Variants in ELP4 observed in about 807,000 individuals in gnomAD.
The protein encoded by ELP4 is elongator complex protein 4.
ELP4 carries 51 observed loss-of-function variants against 48.9 expected under a neutral mutation model. The ratio of observed to expected loss-of-function variants is 1.04; its 90% CI spans 0.83 to 1.32. ELP4 has a LOEUF of 1.32. Ranked by LOEUF, ELP4 falls within the 40% of genes most tolerant of loss-of-function variation. The pLI is 0.00. For missense variants in ELP4, 519 were observed against 514.6 expected (o/e 1.01, Z -0.08); for synonymous variants, 210 against 189.2 (o/e 1.11, Z -0.90).
rs1344109981 is a variant in ELP4, at chr11:31,603,913, T to C, written c.653+6T>C. 6.2e-7 allele frequency: 1 copy of C among 1,604,226 alleles called. No individual in the cohort carries two copies. The highest frequency in any genetic ancestry group is 1.7e-5 in the Admixed American group (1 of 58,534). ...ACTCTCAAAGTAGAACCCTGGTAAG[T>C]TAATGACCCATTTAATAACAAAATC... On this transcript the variant is annotated splice_donor_region_variant and intron_variant, in intron 5 of 9. Transcript: ENST00000640961.
chr11:31,776,345 A>C (rs1948247804), intron 9 of ELP4, among the ~76,000 whole-genome samples: 1 of 152,078 alleles, frequency 6.6e-6, no homozygotes, highest in Non-Finnish European at 1.5e-5. Flanking sequence ...CTCTTTAAGG[A>C]GCTCACCCTA....
At chr11:31,773,260 A>G (rs1187692469) in intron 9 of ELP4, among the ~76,000 whole-genome samples, 1 of 152,240 alleles carries the variant, frequency 6.6e-6, no homozygotes, top group African/African-American at 2.4e-5. Context: ...TGTCTTACAT[A>G]GTTCTAGGAT....
chr11:31,558,202 G>C (rs1045139190), intron 3 of ELP4, among the ~76,000 whole-genome samples: 5 of 151,192 alleles, frequency 3.3e-5, no homozygotes, highest in Non-Finnish European at 7.4e-5. Flanking sequence ...TTCTCCCTTG[G>C]CAGTCACAGT....
chr11:31,672,204 G>C (rs1945824594), intron 9 of ELP4, among the ~76,000 whole-genome samples: 1 of 152,144 alleles, frequency 6.6e-6, no homozygotes, highest in South Asian at 2.1e-4. Context: ...AGTGATTTAT[G>C]ACAATGGAGC....
rs1948894723 is a variant in ELP4 at position 31,788,727 on chromosome 11, T to C, written c.*5203T>C. The C allele has an allele frequency of 5.5e-6, 1 of 181,184 alleles. No individual in the cohort carries two copies. Among genetic ancestry groups the C allele is most frequent in the Non-Finnish European group, 1.1e-5 (1 of 90,292 alleles). The allele number at this position is 181,184 out of a possible 1,614,324, so 11.2% of individuals were successfully genotyped here. A position where few individuals can be genotyped will look rare whatever the true frequency, so the allele number is the denominator to read the frequency against. On this transcript the variant is annotated 3_prime_UTR_variant, in exon 10 of 10. Transcript: ENST00000640961. ...CCATTTTGTATATATGTTGTGGGTATAAATGGGCACAGATCTACACCCTGC... is the reference window on the plus strand; with the variant it reads ...CCATTTTGTATATATGTTGTGGGTACAAATGGGCACAGATCTACACCCTGC...
At chr11:31,585,306 A>G (rs1957454550) in intron 3 of ELP4, among the ~76,000 whole-genome samples, 2 of 152,182 alleles carry the variant, frequency 1.3e-5, no homozygotes, top group South Asian at 4.1e-4. Flanking sequence ...AGATTTGGAG[A>G]TAAAATCCAA....
At chr11:31,568,718 T>C (rs1328967056) in intron 3 of ELP4, among the ~76,000 whole-genome samples, 1 of 152,174 alleles carries the variant, frequency 6.6e-6, no homozygotes, top group Non-Finnish European at 1.5e-5. Context: ...GAAAACTGGC[T>C]ATCCACGTGA....
chr11:31,583,081 G>A (rs1261288321), intron 3 of ELP4, among the ~76,000 whole-genome samples: 1 of 152,100 alleles, frequency 6.6e-6, no homozygotes, highest in Non-Finnish European at 1.5e-5. Flanking sequence ...GTAGGGGTGG[G>A]TAGAATCCTG....
chr11:31,612,858 A>G (rs1358217006), intron 5 of ELP4, among the ~76,000 whole-genome samples: 2 of 152,202 alleles, frequency 1.3e-5, no homozygotes, highest in African/African-American at 4.8e-5. Flanking sequence ...TAAAAGAAGC[A>G]TGGATTTGTT....
chr11:31,544,783 C>T (rs1402568610), intron 3 of ELP4, among the ~76,000 whole-genome samples: 4 of 152,122 alleles, frequency 2.6e-5, no homozygotes, highest in African/African-American at 9.7e-5. Context: ...CTCACACGGC[C>T]GGGTACTCCT....
chr11:31,685,737 T>C (rs1946146672), intron 9 of ELP4, among the ~76,000 whole-genome samples: 1 of 152,102 alleles, frequency 6.6e-6, no homozygotes, highest in South Asian at 2.1e-4. Context: ...CGAGATCATC[T>C]TGGCTAATAT....
At chr11:31,685,316 A>G (rs1946138295) in intron 9 of ELP4, among the ~76,000 whole-genome samples, 1 of 152,096 alleles carries the variant, frequency 6.6e-6, no homozygotes, top group Non-Finnish European at 1.5e-5. Flanking sequence ...GCGCCATTGC[A>G]CTCCAGCCTG....
intron 3 of ELP4, among the ~76,000 whole-genome samples, chr11:31,557,045 T>C (rs2133936455): frequency 6.6e-6 from 1 of 151,998 alleles, no homozygotes; most frequent in East Asian, 1.9e-4. Flanking sequence ...AAACCAGAAG[T>C]CTGAGAATAA....
intron 3 of ELP4, among the ~76,000 whole-genome samples, chr11:31,561,795 A>G (rs1019330227): frequency 6.6e-6 from 1 of 152,210 alleles, no homozygotes; most frequent in Admixed American, 6.5e-5. Flanking sequence ...ATTATTATGT[A>G]TAAACTTAAT....
intron 9 of ELP4, among the ~76,000 whole-genome samples, chr11:31,704,840 G>A (rs905844534): frequency 6.6e-5 from 10 of 151,410 alleles, no homozygotes; most frequent in Non-Finnish European, 1.2e-4. Flanking sequence ...GTGGAACCCC[G>A]TCTCTACTAA....
chr11:31,740,012 A>T (rs900925508), intron 9 of ELP4, among the ~76,000 whole-genome samples: 1 of 152,260 alleles, frequency 6.6e-6, no homozygotes, highest in African/African-American at 2.4e-5. Flanking sequence ...GAAGCTTTAA[A>T]TCAGCAAACA....
intron 3 of ELP4, among the ~76,000 whole-genome samples, chr11:31,540,895 G>A (rs1956580546): frequency 6.6e-6 from 1 of 152,136 alleles, no homozygotes; most frequent in African/African-American, 2.4e-5. Context: ...TCTCTTCTAT[G>A]ATAAAATATG....
At position 31,789,474 on chromosome 11, in the gene ELP4, G is replaced by A. The variant is rs2134360138; in HGVS notation, c.*5950G>A. The A allele has an allele frequency of 4.0e-6, 2 of 494,612 alleles. No homozygotes were observed. Among genetic ancestry groups the A allele is most frequent in the South Asian group, 3.5e-5 (1 of 28,348 alleles). 30.6% of individuals were successfully genotyped at this position (494,612 alleles called of 1,614,324 possible). Reference sequence around the variant, plus strand: ...TATGCAAAGGAATGATACAAACTTGGAACATCAGTCCATAAACTATGAACA... The same window carrying A: ...TATGCAAAGGAATGATACAAACTTGAAACATCAGTCCATAAACTATGAACA... On this transcript the variant is annotated 3_prime_UTR_variant, in exon 10 of 10. Coordinates refer to ENST00000640961, the MANE Select transcript of ELP4 (RefSeq NM_019040.5).
intron 9 of ELP4, among the ~76,000 whole-genome samples, chr11:31,666,056 T>C (rs1292715591): frequency 1.5e-5 from 2 of 136,424 alleles, no homozygotes; most frequent in African/African-American, 5.7e-5. Flanking sequence ...TCCCCCAGGC[T>C]GGAGTACAGT....
Sources: gnomAD v4.1 joint callset for allele counts (sites outside exome capture counted in the v4.1 genomes callset) on GRCh38, gnomAD v4.1.1 for gene constraint, MANE v1.5 for transcripts, NCBI Gene and HGNC (gene_info 2026-07-23, HGNC 2026-07-21) for gene names.